Variants in GATA4 observed in about 807,000 individuals in gnomAD.
GATA4 encodes the protein transcription factor GATA-4.
A neutral mutation model predicts 37.9 loss-of-function variants in GATA4; 7 were observed. The observed-to-expected ratio is 0.18, with a 90% CI of 0.11 to 0.35. GATA4 has a LOEUF of 0.35. Ranked by LOEUF, GATA4 falls within the 10% of genes least tolerant of loss-of-function variation. The pLI is 1.00. For synonymous variants in GATA4, 372 were observed against 292.6 expected (o/e 1.27, Z -2.77); for missense variants, 647 against 653.0 (o/e 0.99, Z 0.10).
chr8:11,728,450 C>G (rs1039993597), intron 2 of GATA4, among the ~76,000 whole-genome samples: 1 of 152,154 alleles, frequency 6.6e-6, no homozygotes, highest in Admixed American at 6.5e-5. Context: ...CTCACTGCAG[C>G]CTTGAACTTC....
chr8:11,689,945 A>G (rs978273108), upstream of GATA4, among the ~76,000 whole-genome samples: 1 of 152,174 alleles, frequency 6.6e-6, no homozygotes, highest in African/African-American at 2.4e-5. Context: ...GTGCCAGGGA[A>G]CCTTGTCCTG....
At chr8:11,711,963 G>A (rs960088205) in intron 2 of GATA4, among the ~76,000 whole-genome samples, 1 of 152,066 alleles carries the variant, frequency 6.6e-6, no homozygotes, top group South Asian at 2.1e-4. Flanking sequence ...GTGGTGGGAG[G>A]AGCACAGGGT....
chr8:11,701,230 G>C (rs1799664522), upstream of GATA4, among the ~76,000 whole-genome samples: 1 of 132,880 alleles, frequency 7.5e-6, no homozygotes, highest in African/African-American at 2.8e-5. Flanking sequence ...TGGGTCATTA[G>C]ACCCAGGTTC....
intron 2 of GATA4, among the ~76,000 whole-genome samples, chr8:11,730,181 TG>T (rs1414061725): frequency 6.6e-6 from 1 of 152,204 alleles, no homozygotes; most frequent in African/African-American, 2.4e-5. Context: ...CCCAATGTGC[TG>T]GGATTACAGG....
intron 2 of GATA4, among the ~76,000 whole-genome samples, chr8:11,734,106 A>C (rs2130223030): frequency 6.6e-6 from 1 of 152,326 alleles, no homozygotes; most frequent in South Asian, 2.1e-4. Context: ...AAACAGCACC[A>C]AACCAAGCAT....
chr8:11,747,003 G>C (rs1453039688), intron 2 of GATA4, among the ~76,000 whole-genome samples: 1 of 152,188 alleles, frequency 6.6e-6, no homozygotes, highest in African/African-American at 2.4e-5. Context: ...CATTCCCCTA[G>C]AGCAAGTAGC....
rs779911000 is a variant in GATA4 at position 11,755,063 on chromosome 8, A to G, written c.930A>G (p.Ala310=). Residue 310 remains alanine (A), a synonymous_variant, in exon 5 of 7, where the codon GCA becomes GCG. Coordinates refer to ENST00000532059, the MANE Select transcript of GATA4 (RefSeq NM_001308093.3). ...CCCTCCAGGTCCCCAGGCCTCTTGCAATGCGGAAAGAGGGGATCCAAACCA... is the reference window on the plus strand; with the variant it reads ...CCCTCCAGGTCCCCAGGCCTCTTGCGATGCGGAAAGAGGGGATCCAAACCA... The part of the protein sequence containing the change: ...MKLHGVPRPL[A]MRKEGIQTRK... 11 of 1,614,028 alleles carry G rather than the reference A, an allele frequency of 6.8e-6. 1 individual carries two copies. In the East Asian group the frequency reaches 2.5e-4, roughly 36 times the overall value.
At chr8:11,705,237 A>C (rs531963679) in intron 1 of GATA4, among the ~76,000 whole-genome samples, 1 of 152,292 alleles carries the variant, frequency 6.6e-6, no homozygotes, top group South Asian at 2.1e-4. Context: ...TTCCCAGAAA[A>C]GGAAGACAAC....
At chr8:11,719,124 A>C (rs1800558606) in intron 2 of GATA4, among the ~76,000 whole-genome samples, 1 of 152,196 alleles carries the variant, frequency 6.6e-6, no homozygotes, top group Non-Finnish European at 1.5e-5. Context: ...TTGTTTTATC[A>C]GCTTGGGTTG....
chr8:11,758,819 A>C lies in GATA4; in HGVS notation c.*344A>C. 2.7e-6 allele frequency: 1 copy of C among 365,844 alleles called. No individual in the cohort carries two copies. 22.7% of individuals were successfully genotyped at this position (365,844 alleles called of 1,614,324 possible). A position where few individuals can be genotyped will look rare whatever the true frequency, so the allele number is the denominator to read the frequency against. On this transcript the variant is annotated 3_prime_UTR_variant, in exon 7 of 7. Coordinates refer to ENST00000532059, the MANE Select transcript of GATA4 (RefSeq NM_001308093.3). ...TTGCATTGTGTTTCTAGCACCGAGG[A>C]TCTGAGAACAAGCGGAGGGCCGGGC...
At chr8:11,719,493 T>C (rs1245409143) in intron 2 of GATA4, among the ~76,000 whole-genome samples, 1 of 152,218 alleles carries the variant, frequency 6.6e-6, no homozygotes, top group African/African-American at 2.4e-5. Context: ...GTAGTAATTT[T>C]TTTTCAAGTA....
intron 2 of GATA4, among the ~76,000 whole-genome samples, chr8:11,725,024 C>T (rs1402726408): frequency 4.6e-5 from 7 of 152,226 alleles, no homozygotes; most frequent in Non-Finnish European, 8.8e-5. Context: ...TGACGTTGCC[C>T]GCTCAGGGGT....
chr8:11,732,469 C>G (rs536124558), intron 2 of GATA4, among the ~76,000 whole-genome samples: 1 of 152,250 alleles, frequency 6.6e-6, no homozygotes, highest in South Asian at 2.1e-4. Context: ...CTAAAGAATT[C>G]TGAGGCTAGA....
chr8:11,728,394 G>A (rs1003725539), intron 2 of GATA4, among the ~76,000 whole-genome samples: 3 of 152,250 alleles, frequency 2.0e-5, no homozygotes, highest in South Asian at 2.1e-4. Context: ...TTTGAAACAG[G>A]GTTTTGCTCT....
intron 2 of GATA4, among the ~76,000 whole-genome samples, chr8:11,725,715 G>A (rs1800888821): frequency 6.6e-6 from 1 of 152,216 alleles, no homozygotes; most frequent in Admixed American, 6.5e-5. Flanking sequence ...GGACCCAGCA[G>A]CCTTGGCTCA....
chr8:11,725,397 G>A (rs935371204), intron 2 of GATA4, among the ~76,000 whole-genome samples: 1 of 152,254 alleles, frequency 6.6e-6, no homozygotes, highest in African/African-American at 2.4e-5. Context: ...ATCACGCAAG[G>A]GCTGGGGAAT....
intron 2 of GATA4, among the ~76,000 whole-genome samples, chr8:11,743,069 G>A (rs563542046): frequency 1.3e-4 from 20 of 152,356 alleles, no homozygotes; most frequent in South Asian, 1.0e-3. Flanking sequence ...CCCCGGGCAC[G>A]GGCCCTTTCC....
rs2130307850 is a variant in GATA4, at chr8:11,749,105, C to T, written c.786+20C>T. On this transcript the variant is annotated intron_variant, in intron 3 of 6. Transcript: ENST00000532059. This position sits in a 1 kb window ranked among gnomAD's most constrained non-coding sequence, Gnocchi z 4.6. ...CGGCTGGTAAGCACGTGCCTCGCAG[C>T]CTCCTCTGGGCACCTGGCTGCGGAG... is the stretch of plus-strand genomic sequence containing the variant. The T allele has an allele frequency of 1.2e-6, 2 of 1,613,304 alleles. No individual in the cohort carries two copies. Among genetic ancestry groups the T allele is most frequent in the East Asian group, 4.5e-5 (2 of 44,870 alleles).
At chr8:11,750,770 T>TAAA (rs1195090785) in intron 4 of GATA4, among the ~76,000 whole-genome samples, 3,689 of 88,700 alleles carry the variant, frequency 0.042, 218 homozygotes, top group African/African-American at 0.11. Context: ...TTGTCTCTAC[T>TAAA]AAAAAAAAAA....
Sources: allele counts gnomAD v4.1 joint callset (sites outside exome capture counted in the v4.1 genomes callset), GRCh38; gene constraint gnomAD v4.1.1; non-coding constraint Gnocchi (gnomAD v3.1); transcripts MANE v1.5; gene names NCBI Gene and HGNC (gene_info 2026-07-23, HGNC 2026-07-21).